The following TBX19 variants were observed in gnomAD, a reference collection of about 807,000 sequenced individuals.
TBX19 encodes the protein T-box transcription factor TBX19.
Under a neutral mutation model 40.9 loss-of-function variants are expected in TBX19, and 33 were observed. The observed-to-expected ratio is 0.81, with a 90% CI of 0.61 to 1.08. TBX19 has a LOEUF of 1.08. Among genes scored for constraint, TBX19 ranks in the 50% least tolerant of loss-of-function variants. The pLI, the probability that TBX19 is intolerant of heterozygous loss-of-function variation, is 0.00. For synonymous variants in TBX19, 220 were observed against 225.0 expected (o/e 0.98, Z 0.20); for missense variants, 494 against 574.0 (o/e 0.86, Z 1.42).
intron 4 of TBX19, among the ~76,000 whole-genome samples, chr1:168,298,513 T>C (rs1481778537): frequency 2.0e-5 from 3 of 152,164 alleles, no homozygotes; most frequent in Non-Finnish European, 4.4e-5. Flanking sequence ...ACATTTCCTC[T>C]GCTGAGAAAA....
intron 6 of TBX19, among the ~76,000 whole-genome samples, chr1:168,306,267 A>G (rs1389296035): frequency 6.6e-6 from 1 of 152,188 alleles, no homozygotes; most frequent in African/African-American, 2.4e-5. Context: ...TCAGCATCAA[A>G]TCACATCTTC....
intron 3 of TBX19, among the ~76,000 whole-genome samples, chr1:168,294,584 C>A (rs575370119): frequency 2.2e-4 from 34 of 152,248 alleles, no homozygotes; most frequent in Admixed American, 9.2e-4. Context: ...TCACTGCAAC[C>A]TCTGCCTCTG....
rs901047009 is a variant in TBX19, at chr1:168,304,935, G to T, written c.728-73G>T. On this transcript the variant is annotated intron_variant, in intron 5 of 7. Coordinates refer to ENST00000367821, the MANE Select transcript of TBX19 (RefSeq NM_005149.3). ...TTTACAAGAATTGTAGCTGTGTAAA[G>T]TAGCTGGTCACCTGATTTTTGGTGT... is the stretch of plus-strand genomic sequence containing the variant. The T allele has an allele frequency of 1.4e-5, 20 of 1,451,150 alleles. No homozygotes were observed. The African/African-American group carries it at 2.1e-4, about 15-fold the overall frequency. The allele number at this position is 1,451,150 out of a possible 1,614,324, so 89.9% of individuals were successfully genotyped here.
At position 168,305,145 on chromosome 1, in the gene TBX19, C is replaced by G. The variant is rs756726551; in HGVS notation, c.865C>G (p.Arg289Gly). The stretch of plus-strand genomic sequence containing the variant: ...GCACTATTCGGGTCTCCGAGGACAC[C>G]GGCAGGCTCCCTACCCTTCTGCGTA... ...CEHYSGLRGHRQAPYPSAYMH... is the reference protein window; with the variant it reads ...CEHYSGLRGHGQAPYPSAYMH... Residue 289 changes from arginine to glycine, a missense_variant, in exon 6 of 8, where the codon CGG (arginine) becomes GGG (glycine). Physicochemically the swap from Arg to Gly is moderately radical, Grantham distance 125. Transcript: ENST00000367821. The G allele has an allele frequency of 5.0e-6, 8 of 1,613,806 alleles. No individual in the cohort carries two copies. Among genetic ancestry groups the G allele is most frequent in the Non-Finnish European group, 6.8e-6 (8 of 1,180,018 alleles).
In TBX19 at chr1:168,300,412, A is replaced by C; in HGVS notation, c.666-10A>C. 3.7e-6 allele frequency: 6 copies of C among 1,613,794 alleles called. No homozygotes were observed. Among genetic ancestry groups the C allele is most frequent in the South Asian group, 3.3e-5 (3 of 90,972 alleles). ...TGGACAGCCATGGTGCATTTTCTTT[A>C]CTCTTTCAGAAATCACCTAAGAGAC... On this transcript the variant is annotated splice_polypyrimidine_tract_variant and intron_variant, in intron 4 of 7. Coordinates refer to ENST00000367821, the MANE Select transcript of TBX19 (RefSeq NM_005149.3).
chr1:168,285,390 T>G (rs1648780560), intron 1 of TBX19, among the ~76,000 whole-genome samples: 1 of 152,198 alleles, frequency 6.6e-6, no homozygotes, highest in African/African-American at 2.4e-5. Flanking sequence ...TTTTTGAATT[T>G]GCTTTTAACT....
intron 2 of TBX19, among the ~76,000 whole-genome samples, chr1:168,292,705 A>G (rs558854992): frequency 4.6e-5 from 7 of 152,050 alleles, no homozygotes; most frequent in South Asian, 2.1e-4. Flanking sequence ...TCTACTAAAA[A>G]TACAAAAAAT....
chr1:168,301,477 G>C (rs535233759), intron 5 of TBX19, among the ~76,000 whole-genome samples: 1 of 151,946 alleles, frequency 6.6e-6, no homozygotes, highest in Non-Finnish European at 1.5e-5. Flanking sequence ...AGGCCAGGCT[G>C]GTCTTGAACT....
chr1:168,307,754 A>G lies in TBX19; in HGVS notation c.917-988A>G, dbSNP rs57014432. 7.2e-4 allele frequency among the ~76,000 whole-genome samples: 109 copies of G among 152,252 alleles called. 1 individual carries two copies. The highest frequency in any genetic ancestry group is 2.4e-3 in the African/African-American group (101 of 41,534). ...CTTCCCCCACCCCCATAAAAACTGT[A>G]TATATTCAAGGTGTACAACATGACG... On this transcript the variant is annotated intron_variant, in intron 6 of 7. Transcript: ENST00000367821.
chr1:168,290,803 G>C (rs911879350), intron 1 of TBX19, among the ~76,000 whole-genome samples: 5 of 152,040 alleles, frequency 3.3e-5, no homozygotes, highest in African/African-American at 4.8e-5. Context: ...AGTGTTCTTT[G>C]TGAGGTTGGG....
chr1:168,293,364 G>T lies in TBX19; in HGVS notation c.603+86G>T, dbSNP rs994905459. 9 of 1,488,438 alleles carry T rather than the reference G, an allele frequency of 6.0e-6. No individual in the cohort carries two copies. In the Admixed American group the frequency reaches 1.4e-4, roughly 23 times the overall value. 92.2% of individuals were successfully genotyped at this position (1,488,438 alleles called of 1,614,324 possible). On this transcript the variant is annotated intron_variant, in intron 3 of 7. Coordinates refer to ENST00000367821, the MANE Select transcript of TBX19 (RefSeq NM_005149.3). ...GGAGATCATGGCAGGATGGGCGGGG[G>T]GGGTCCTTTTAGATGAAAGGTAGGT...
chr1:168,306,084 CT>C (rs1351395875), intron 6 of TBX19, among the ~76,000 whole-genome samples: 1 of 152,178 alleles, frequency 6.6e-6, no homozygotes, highest in Non-Finnish European at 1.5e-5. Context: ...CAGTGACACC[CT>C]GAGCTCTGCA....
chr1:168,308,922 T>A, intron 7 of TBX19, 45 bp downstream of exon 7: 2 of 1,613,838 alleles, frequency 1.2e-6, no homozygotes, highest in Non-Finnish European at 1.7e-6. Flanking sequence ...TCTTGGGGGT[T>A]TACTTTAGCA....
At position 168,313,032 on chromosome 1, in the gene TBX19, G is replaced by T. The variant is rs778394368; in HGVS notation, c.*30G>T. The T allele has an allele frequency of 2.5e-6, 4 of 1,613,334 alleles. No homozygotes were observed. In the South Asian group the frequency reaches 3.3e-5, roughly 13 times the overall value. ...GATCCTAGGAGCCTCTTTGCACAGCGATCCTTCCATGTGTAGAGTGCTTAG... is the reference window on the plus strand; with the variant it reads ...GATCCTAGGAGCCTCTTTGCACAGCTATCCTTCCATGTGTAGAGTGCTTAG... On this transcript the variant is annotated 3_prime_UTR_variant, in exon 8 of 8. Transcript: ENST00000367821.
intron 5 of TBX19, among the ~76,000 whole-genome samples, chr1:168,303,311 G>A (rs999202271): frequency 1.3e-5 from 2 of 152,208 alleles, no homozygotes; most frequent in East Asian, 1.9e-4. Flanking sequence ...TTGTCCTTGC[G>A]ATAGTTTGCT....
rs1649566720 is a variant in TBX19, at chr1:168,313,104, C to T, written c.*102C>T. 5 of 1,434,542 alleles carry T rather than the reference C, an allele frequency of 3.5e-6. No homozygotes were observed. Among genetic ancestry groups the T allele is most frequent in the African/African-American group, 1.4e-5 (1 of 71,202 alleles). 88.9% of individuals were successfully genotyped at this position (1,434,542 alleles called of 1,614,324 possible). On this transcript the variant is annotated 3_prime_UTR_variant, in exon 8 of 8. Coordinates refer to ENST00000367821, the MANE Select transcript of TBX19 (RefSeq NM_005149.3). ...TGAGTCAGACTGTGGAATCTCCCTT[C>T]CCACTAGCTGGAGGTGGAGGTGGGT...
chr1:168,296,916 T>C (rs1170054408), intron 3 of TBX19, among the ~76,000 whole-genome samples: 1 of 152,186 alleles, frequency 6.6e-6, no homozygotes, highest in Non-Finnish European at 1.5e-5. Flanking sequence ...TCTGTAAATA[T>C]TTATTTACTC....
Position 168,284,865 on chromosome 1 carries a change from A to G in TBX19, c.203+3572A>G, listed in dbSNP as rs138417371. Among the ~76,000 whole-genome samples, 439 of 151,584 alleles carry G rather than the reference A, an allele frequency of 2.9e-3. 1 individual carries two copies. The highest frequency in any genetic ancestry group is 0.014 in the Middle Eastern group (4 of 290). ...AGGGGAAAATGCCATATTTCTTGTCATCATAAAATAAGAGGTGGGAATTAC... is the reference window on the plus strand; with the variant it reads ...AGGGGAAAATGCCATATTTCTTGTCGTCATAAAATAAGAGGTGGGAATTAC... On this transcript the variant is annotated intron_variant, in intron 1 of 7. Transcript: ENST00000367821.
rs57039241 is a variant in TBX19 at position 168,293,284 on chromosome 1, A to AGTGTGTGTGTGTGTGTGTGT, written c.603+29_603+48dup. 2.3e-6 allele frequency: 3 copies of AGTGTGTGTGTGTGTGTGTGT among 1,321,866 alleles called. No individual in the cohort carries two copies. Among genetic ancestry groups the AGTGTGTGTGTGTGTGTGTGT allele is most frequent in the East Asian group, 2.9e-5 (1 of 34,236 alleles). The allele number at this position is 1,321,866 out of a possible 1,614,324, so 81.9% of individuals were successfully genotyped here. On this transcript the variant is annotated splice_region_variant and intron_variant, in intron 3 of 7. Coordinates refer to ENST00000367821, the MANE Select transcript of TBX19 (RefSeq NM_005149.3). ...CTGCCTATCAGAATGAGGAGGTAAG[A>AGTGTGTGTGTGTGTGTGTGT]GTGTGTGTGTGTGTGTGTGTGTGTG...
Sources: allele counts gnomAD v4.1 joint callset (sites outside exome capture counted in the v4.1 genomes callset), GRCh38; gene constraint gnomAD v4.1.1; transcripts MANE v1.5; gene names NCBI Gene and HGNC (gene_info 2026-07-23, HGNC 2026-07-21).